ANHX: variants seen among roughly 807,000 people sequenced by gnomAD.
ANHX encodes anomalous homeobox.
Under a neutral mutation model 38.9 loss-of-function variants are expected in ANHX, and 20 were observed. That is an observed-to-expected ratio of 0.51 (90% CI 0.36 to 0.75). The LOEUF (loss-of-function observed/expected upper bound fraction) is 0.75, where lower values mean the gene tolerates loss of function less well. ANHX is among the 30% of genes least tolerant of loss of function. The pLI, the probability that ANHX is intolerant of heterozygous loss-of-function variation, is 0.00. For synonymous variants in ANHX, 185 were observed against 203.1 expected (o/e 0.91, Z 0.76); for missense variants, 475 against 493.1 (o/e 0.96, Z 0.35).
intron 2 of ANHX, 124 bp from the exon 3 acceptor site, chr12:133,231,768 G>C: frequency 1.6e-6 from 2 of 1,252,864 alleles, no homozygotes; most frequent in Non-Finnish European, 2.2e-6. Flanking sequence ...GCAGGGTTCT[G>C]GGTTCAAATT....
At chr12:133,220,786 C>T (rs1957098734) in intron 8 of ANHX, among the ~76,000 whole-genome samples, 1 of 152,210 alleles carries the variant, frequency 6.6e-6, no homozygotes, top group African/African-American at 2.4e-5. Flanking sequence ...TCTTCTGTTT[C>T]TACAGCACTG....
intron 2 of ANHX, among the ~76,000 whole-genome samples, chr12:133,231,976 G>A (rs897015236): frequency 6.6e-6 from 1 of 152,096 alleles, no homozygotes; most frequent in East Asian, 1.9e-4. Context: ...CACAAGATAA[G>A]CACAGCTCCC....
chr12:133,228,739 C>T (rs572181127), intron 3 of ANHX, among the ~76,000 whole-genome samples: 1 of 152,222 alleles, frequency 6.6e-6, no homozygotes, highest in Non-Finnish European at 1.5e-5. Context: ...AGAACACTCC[C>T]CTGAACTAAT....
intron 4 of ANHX, 37 bp from the exon 5 acceptor site, chr12:133,227,189 A>G: frequency 6.6e-7 from 1 of 1,513,796 alleles, no homozygotes. Flanking sequence ...CCCTGCTTCC[A>G]TTCCCTGAGG....
chr12:133,232,719 C>G (rs1957300951), intron 2 of ANHX, among the ~76,000 whole-genome samples: 1 of 152,150 alleles, frequency 6.6e-6, no homozygotes, highest in Non-Finnish European at 1.5e-5. Flanking sequence ...TCACTGATGC[C>G]AGTGGTTGCC....
chr12:133,229,277 T>G (rs772428338), intron 3 of ANHX, among the ~76,000 whole-genome samples: 17 of 152,198 alleles, frequency 1.1e-4, no homozygotes, highest in Non-Finnish European at 2.1e-4. Context: ...GCTGAGCAGA[T>G]TTGAATATTT....
At chr12:133,226,812 T>C in intron 5 of ANHX, 124 bp downstream of exon 5, 3 of 970,682 alleles carry the variant, frequency 3.1e-6, no homozygotes, top group Non-Finnish European at 4.4e-6. Context: ...TCCCACAGAG[T>C]GACACCTGGA....
At chr12:133,232,888 T>C (rs887847059) in intron 2 of ANHX, among the ~76,000 whole-genome samples, 2 of 152,192 alleles carry the variant, frequency 1.3e-5, no homozygotes, top group Admixed American at 6.5e-5. Context: ...CCCTGCCTCA[T>C]GGACCTTCAG....
intron 2 of ANHX, among the ~76,000 whole-genome samples, chr12:133,232,969 C>T (rs374981749): frequency 3.1e-4 from 47 of 151,904 alleles, no homozygotes; most frequent in South Asian, 1.0e-3. Context: ...AAAGGGGTAA[C>T]GGGGGGGCAA....
At chr12:133,230,317 C>T (rs1017456383) in intron 3 of ANHX, among the ~76,000 whole-genome samples, 1 of 152,232 alleles carries the variant, frequency 6.6e-6, no homozygotes, top group Non-Finnish European at 1.5e-5. Flanking sequence ...CTGAAGACCC[C>T]ACAGCTGATT....
At chr12:133,231,491 T>C in intron 3 of ANHX, 26 bp downstream of exon 3, 10 of 1,535,998 alleles carry the variant, frequency 6.5e-6, no homozygotes, top group South Asian at 1.2e-5. Flanking sequence ...CCATGAAATA[T>C]GCACAAGTAA....
At chr12:133,230,261 C>A (rs998354243) in intron 3 of ANHX, among the ~76,000 whole-genome samples, 18 of 152,244 alleles carry the variant, frequency 1.2e-4, no homozygotes, top group African/African-American at 4.1e-4. Flanking sequence ...CACCACTGCA[C>A]TCTGGCAGGT....
chr12:133,227,511 TGTGCAGTG>T (rs1378579161), intron 4 of ANHX, among the ~76,000 whole-genome samples: 1 of 152,198 alleles, frequency 6.6e-6, no homozygotes, highest in African/African-American at 2.4e-5. Context: ...ACAAACCCAC[TGTGCAGTG>T]GAGAGCATGT....
chr12:133,224,633 A>G (rs184693008), intron 7 of ANHX, among the ~76,000 whole-genome samples: 5,179 of 129,814 alleles, frequency 0.04, 163 homozygotes, highest in South Asian at 0.15. Flanking sequence ...ACTGCACTCT[A>G]GGCTGGGTGA....
rs1298898048 is a variant in ANHX, at chr12:133,218,872, T to A, written c.*13A>T. Reference sequence around the variant, plus strand: ...CGCTCCTCCTGGGGTGCTGTCTGGCTCCTGGGGATAGCTCAGCCCAGGCTG... The same window carrying A: ...CGCTCCTCCTGGGGTGCTGTCTGGCACCTGGGGATAGCTCAGCCCAGGCTG... On this transcript the variant is annotated 3_prime_UTR_variant, in exon 10 of 10. Coordinates refer to ENST00000545940, the MANE Select transcript of ANHX (RefSeq NM_001372060.1). 6.7e-7 allele frequency: 1 copy of A among 1,495,504 alleles called. No individual in the cohort carries two copies. Among genetic ancestry groups the A allele is most frequent in the African/African-American group, 1.4e-5 (1 of 71,850 alleles). 92.6% of individuals were successfully genotyped at this position (1,495,504 alleles called of 1,614,324 possible).
chr12:133,230,783 A>G (rs1325946554), intron 3 of ANHX, among the ~76,000 whole-genome samples: 1 of 151,570 alleles, frequency 6.6e-6, no homozygotes, highest in African/African-American at 2.4e-5. Flanking sequence ...AAAGGCTCCA[A>G]TTTCTCAGTG....
rs557309557 is a variant in ANHX, at chr12:133,226,476, C to T, written c.719-38G>A. On this transcript the variant is annotated intron_variant, in intron 5 of 9. Coordinates refer to ENST00000545940, the MANE Select transcript of ANHX (RefSeq NM_001372060.1). ...AGATGGGAGGGGAGACTTAGTGAGG[C>T]TCTGGTTCCCAACCTCCTTCCCATC... 7 of 1,509,474 alleles carry T rather than the reference C, an allele frequency of 4.6e-6. No individual in the cohort carries two copies. The East Asian group carries it at 7.4e-5, about 16-fold the overall frequency. 93.5% of individuals were successfully genotyped at this position (1,509,474 alleles called of 1,614,324 possible). A position where few individuals can be genotyped will look rare whatever the true frequency, so the allele number is the denominator to read the frequency against.
chr12:133,231,012 T>A (rs1028056768), intron 3 of ANHX, among the ~76,000 whole-genome samples: 4 of 152,194 alleles, frequency 2.6e-5, no homozygotes, highest in Admixed American at 2.6e-4. Context: ...GACATGTAAC[T>A]CATGCTAACA....
At position 133,219,320 on chromosome 12, in the gene ANHX, G is replaced by A; in HGVS notation, c.1328C>T (p.Ser443Phe). Residue 443 changes from serine to phenylalanine, a missense_variant, in exon 9 of 10, where the codon TCT becomes TTT. By Grantham distance (155) the Ser-to-Phe change is radical. Coordinates refer to ENST00000545940, the MANE Select transcript of ANHX (RefSeq NM_001372060.1). ...CAGGGCCTGGCTCAGCTCCATGGCA[G>A]ACACAGGGCCGGGGAAGGCAGATGG... ...PAPSAFPGPV[S>F]AMELSQALPS... 2 of 1,535,570 alleles carry A rather than the reference G, an allele frequency of 1.3e-6. No individual in the cohort carries two copies. Among genetic ancestry groups the A allele is most frequent in the African/African-American group, 2.7e-5 (2 of 73,176 alleles).
Sources: allele counts gnomAD v4.1 joint callset (sites outside exome capture counted in the v4.1 genomes callset), GRCh38; gene constraint gnomAD v4.1.1; transcripts MANE v1.5; gene names NCBI Gene and HGNC (gene_info 2026-07-23, HGNC 2026-07-21).